Variants in SLIT2 observed in about 807,000 individuals in gnomAD.
SLIT2 encodes the protein slit homolog 2 protein.
A neutral mutation model predicts 185.7 loss-of-function variants in SLIT2; 41 were observed. That is an observed-to-expected ratio of 0.22 (90% CI 0.17 to 0.29). The LOEUF (loss-of-function observed/expected upper bound fraction) is 0.29, where lower values mean the gene tolerates loss of function less well. SLIT2 is among the 10% of genes least tolerant of loss of function. SLIT2 has a pLI of 1.00. For missense variants in SLIT2, 1,571 were observed against 1,909.0 expected (o/e 0.82, Z 3.30); for synonymous variants, 693 against 680.2 (o/e 1.02, Z -0.29).
intron 32 of SLIT2, among the ~76,000 whole-genome samples, chr4:20,597,590 A>AT (rs1728086873): frequency 6.6e-6 from 1 of 152,216 alleles, no homozygotes; most frequent in South Asian, 2.1e-4. Flanking sequence ...CATTTAATAT[A>AT]TTTTTAATTC....
intron 4 of SLIT2, among the ~76,000 whole-genome samples, chr4:20,455,217 A>G (rs1712933293): frequency 6.6e-6 from 1 of 152,148 alleles, no homozygotes; most frequent in Non-Finnish European, 1.5e-5. Context: ...AAATTCTAGC[A>G]TGATCAAAAG....
At chr4:20,325,860 A>T (rs1719537423) in intron 4 of SLIT2, among the ~76,000 whole-genome samples, 1 of 152,134 alleles carries the variant, frequency 6.6e-6, no homozygotes, top group Non-Finnish European at 1.5e-5. Flanking sequence ...AGTTGACCAT[A>T]ATTTTATACA....
At chr4:20,586,477 C>T (rs1727075594) in intron 29 of SLIT2, among the ~76,000 whole-genome samples, 2 of 152,138 alleles carry the variant, frequency 1.3e-5, no homozygotes, top group African/African-American at 4.8e-5. Flanking sequence ...GGCAAGAATT[C>T]TACTCTTAGT....
chr4:20,330,925 T>A (rs1180948219), intron 4 of SLIT2, among the ~76,000 whole-genome samples: 1 of 152,110 alleles, frequency 6.6e-6, no homozygotes, highest in Non-Finnish European at 1.5e-5. Context: ...TTCCCATGCT[T>A]ATGTTAAAAT....
chr4:20,552,883 T>C (rs1271825568), intron 25 of SLIT2, among the ~76,000 whole-genome samples: 2 of 152,200 alleles, frequency 1.3e-5, no homozygotes, highest in Non-Finnish European at 2.9e-5. Flanking sequence ...CAGGTCTCAG[T>C]TTCTTAATCT....
chr4:20,407,016 G>A (rs1358222818), intron 4 of SLIT2, among the ~76,000 whole-genome samples: 1 of 146,660 alleles, frequency 6.8e-6, no homozygotes, highest in Non-Finnish European at 1.5e-5. Flanking sequence ...AAGTCTTCCA[G>A]CATAATGTTG....
At chr4:20,323,830 T>G (rs540526699) in intron 4 of SLIT2, among the ~76,000 whole-genome samples, 7 of 152,224 alleles carry the variant, frequency 4.6e-5, no homozygotes, top group Non-Finnish European at 8.8e-5. Context: ...TTTTCCTCTT[T>G]AATTATCCCC....
chr4:20,507,280 T>C (rs1026402967), intron 9 of SLIT2, among the ~76,000 whole-genome samples: 18 of 152,020 alleles, frequency 1.2e-4, no homozygotes, highest in African/African-American at 3.6e-4. Context: ...AGTTGTAGAT[T>C]AATTACAGAA....
intron 29 of SLIT2, chr4:20,573,370 A>G: frequency 1.4e-6 from 1 of 690,848 alleles, no homozygotes; most frequent in Non-Finnish European, 2.6e-6. Context: ...TTGACAAAAT[A>G]TAAAATCTGA....
intron 33 of SLIT2, among the ~76,000 whole-genome samples, chr4:20,603,942 C>G (rs554551117): frequency 1.5e-4 from 23 of 152,282 alleles, no homozygotes; most frequent in Admixed American, 9.2e-4. Context: ...GGAAAGTTCC[C>G]CCTGTTTACT....
chr4:20,523,848 A>C lies in SLIT2; in HGVS notation c.1219A>C (p.Lys407Gln). Residue 407 changes from lysine (K) to glutamine (Q), a missense_variant, in exon 13 of 37, where the codon AAG (lysine) becomes CAG (glutamine). Lys to Gln is a moderately conservative substitution (Grantham distance 53, BLOSUM62 1). Coordinates refer to ENST00000504154, the MANE Select transcript of SLIT2 (RefSeq NM_004787.4). ...GAACCTTCTCTCCCTATATGACAAC[A>C]AGCTTCAGACCATCGCCAAGGGGAC... ...NLNLLSLYDNKLQTIAKGTFS... is the reference protein window; with the variant it reads ...NLNLLSLYDNQLQTIAKGTFS... 1.9e-6 allele frequency: 3 copies of C among 1,614,072 alleles called. No individual in the cohort carries two copies. Among genetic ancestry groups the C allele is most frequent in the Non-Finnish European group, 2.5e-6 (3 of 1,179,938 alleles).
chr4:20,280,990 G>A (rs1327523145), intron 4 of SLIT2, among the ~76,000 whole-genome samples: 3 of 151,922 alleles, frequency 2.0e-5, no homozygotes, highest in South Asian at 2.1e-4. Context: ...GCGCCACCAC[G>A]CCCGGCTGAT....
At chr4:20,463,958 G>T (rs1318934990) in intron 4 of SLIT2, among the ~76,000 whole-genome samples, 1 of 151,524 alleles carries the variant, frequency 6.6e-6, no homozygotes, top group Non-Finnish European at 1.5e-5. Flanking sequence ...TTCATTAATG[G>T]TCCTCTCATC....
chr4:20,552,039 G>A (rs1469350514), intron 25 of SLIT2, among the ~76,000 whole-genome samples: 2 of 152,158 alleles, frequency 1.3e-5, no homozygotes, highest in Non-Finnish European at 2.9e-5. Flanking sequence ...CAGGAAGGCA[G>A]AGCCTTTACA....
chr4:20,462,941 T>C (rs1267440749), intron 4 of SLIT2, among the ~76,000 whole-genome samples: 2 of 152,178 alleles, frequency 1.3e-5, no homozygotes, highest in Non-Finnish European at 2.9e-5. Flanking sequence ...AATTATAACA[T>C]GTATGAAACC....
At chr4:20,426,867 C>T (rs533172972) in intron 4 of SLIT2, among the ~76,000 whole-genome samples, 5 of 152,140 alleles carry the variant, frequency 3.3e-5, no homozygotes, top group Admixed American at 3.3e-4. Context: ...CATTGTTTTT[C>T]CCAGAGAAAT....
chr4:20,473,043 A>G (rs909686667), intron 5 of SLIT2, among the ~76,000 whole-genome samples: 4 of 151,936 alleles, frequency 2.6e-5, no homozygotes, highest in South Asian at 2.1e-4. Flanking sequence ...TGAGTTCAAT[A>G]TGATTACTTA....
chr4:20,494,806 A>G (rs890167998), intron 9 of SLIT2, among the ~76,000 whole-genome samples: 8 of 151,992 alleles, frequency 5.3e-5, no homozygotes, highest in African/African-American at 1.9e-4. Flanking sequence ...CTAAAATAAT[A>G]CAGACTATAA....
chr4:20,325,252 C>T (rs2109180055), intron 4 of SLIT2, among the ~76,000 whole-genome samples: 1 of 151,706 alleles, frequency 6.6e-6, no homozygotes, highest in East Asian at 2.0e-4. Flanking sequence ...AAGGGAACAG[C>T]CTAAACCCAG....
Sources: gnomAD v4.1 joint callset for allele counts (sites outside exome capture counted in the v4.1 genomes callset) on GRCh38, gnomAD v4.1.1 for gene constraint, MANE v1.5 for transcripts, NCBI Gene and HGNC (gene_info 2026-07-23, HGNC 2026-07-21) for gene names.